The following UST variants were observed in gnomAD, a reference collection of about 807,000 sequenced individuals.
UST encodes uronyl 2-sulfotransferase.
A neutral mutation model predicts 45.6 loss-of-function variants in UST; 21 were observed. That is an observed-to-expected ratio of 0.46 (90% CI 0.33 to 0.66). UST has a LOEUF of 0.66. Among genes scored for constraint, UST ranks in the 30% least tolerant of loss-of-function variants. UST has a pLI of 0.02. For synonymous variants in UST, 215 were observed against 200.6 expected (o/e 1.07, Z -0.61); for missense variants, 463 against 512.4 (o/e 0.90, Z 0.93).
intron 1 of UST, among the ~76,000 whole-genome samples, chr6:148,877,856 G>T: frequency 7.1e-6 from 1 of 140,738 alleles, no homozygotes; most frequent in East Asian, 2.2e-4. Flanking sequence ...GTACGAGTGC[G>T]GGGATCATGT....
At chr6:148,887,417 C>T (rs1346065160) in intron 2 of UST, among the ~76,000 whole-genome samples, 2 of 152,266 alleles carry the variant, frequency 1.3e-5, no homozygotes, top group Admixed American at 6.5e-5. Context: ...GTCCTGTTCT[C>T]TCCAGCCTAA....
At chr6:148,860,650 A>G (rs1778294016) in intron 1 of UST, among the ~76,000 whole-genome samples, 1 of 152,120 alleles carries the variant, frequency 6.6e-6, no homozygotes, top group African/African-American at 2.4e-5. Flanking sequence ...AATAGCTCTT[A>G]TTATTTTCAG....
Position 148,813,233 on chromosome 6 carries a change from G to C in UST, c.247+65556G>C, listed in dbSNP as rs138862927. Among the ~76,000 whole-genome samples the C allele has an allele frequency of 7.2e-5, 11 of 152,202 alleles. No homozygotes were observed. In the East Asian group the frequency reaches 1.9e-3, roughly 27 times the overall value. ...AGTGCCCTCAGTTGGCTATGGTTTG[G>C]GATGGGAAATGAGAGAGGGAAACTG... On this transcript the variant is annotated intron_variant, in intron 1 of 7. Transcript: ENST00000367463.
rs552127447 is a variant in UST, at chr6:148,984,508, T to C, written c.681+19945T>C. On this transcript the variant is annotated intron_variant, in intron 5 of 7. Transcript: ENST00000367463. ...AAAAGTCCTAGACATCATGACATGA[T>C]AGGATTTGCATTTATTTATTTATTT... Among the ~76,000 whole-genome samples the C allele has an allele frequency of 3.3e-5, 5 of 152,342 alleles. No homozygotes were observed. In the East Asian group the frequency reaches 9.6e-4, roughly 29 times the overall value.
intron 2 of UST, among the ~76,000 whole-genome samples, chr6:148,889,465 G>A (rs974180478): frequency 1.1e-4 from 17 of 152,122 alleles, no homozygotes; most frequent in African/African-American, 3.6e-4. Flanking sequence ...GAATGGTGCC[G>A]AAGGTCCTGG....
At chr6:148,918,634 G>A (rs1156736179) in intron 2 of UST, among the ~76,000 whole-genome samples, 1 of 152,134 alleles carries the variant, frequency 6.6e-6, no homozygotes, top group Non-Finnish European at 1.5e-5. Flanking sequence ...GTGTGGTTGA[G>A]TCCATATTTC....
At chr6:148,949,061 C>T (rs1015403157) in intron 3 of UST, among the ~76,000 whole-genome samples, 3 of 151,974 alleles carry the variant, frequency 2.0e-5, no homozygotes, top group African/African-American at 4.8e-5. Context: ...CAGGCCAAGG[C>T]GGGTGGATCA....
intron 1 of UST, among the ~76,000 whole-genome samples, chr6:148,809,868 T>C (rs566172978): frequency 6.6e-6 from 1 of 152,214 alleles, no homozygotes; most frequent in South Asian, 2.1e-4. Context: ...TTAAATATTA[T>C]ATTGTTCAGC....
At chr6:148,984,588 G>T (rs1316632701) in intron 5 of UST, among the ~76,000 whole-genome samples, 3 of 152,288 alleles carry the variant, frequency 2.0e-5, no homozygotes, top group East Asian at 1.9e-4. Context: ...AGGCTGGAGT[G>T]CAGTGGCACA....
intron 3 of UST, among the ~76,000 whole-genome samples, chr6:148,943,989 AC>A (rs529254886): frequency 1.1e-4 from 16 of 152,364 alleles, no homozygotes; most frequent in African/African-American, 3.6e-4. Flanking sequence ...TTGAAGTTCA[AC>A]AACATTTAGA....
At chr6:148,871,771 A>G (rs1221768999) in intron 1 of UST, among the ~76,000 whole-genome samples, 2 of 152,186 alleles carry the variant, frequency 1.3e-5, no homozygotes, top group Non-Finnish European at 2.9e-5. Context: ...TTCATTACAT[A>G]AGAGAAACCC....
Position 148,941,365 on chromosome 6 carries a change from G to A in UST, c.378G>A (p.Ser126=), listed in dbSNP as rs772293025. ...TGGTCTTGCTTCTGAGAATCTTGTC[G>A]GAGAAGCACGGATTTAATTTGGTCA... ...RTVVLLLRIL[S]EKHGFNLVTS... The change falls in exon 3 of 8, where the codon TCG becomes TCA. Residue 126 remains serine (S), a synonymous_variant. Transcript: ENST00000367463. The A allele has an allele frequency of 9.9e-6, 16 of 1,612,464 alleles. No individual in the cohort carries two copies. The highest frequency in any genetic ancestry group is 1.6e-4 in the Middle Eastern group (1 of 6,080).
At chr6:149,023,380 C>G (rs969677690) in intron 7 of UST, among the ~76,000 whole-genome samples, 2 of 152,104 alleles carry the variant, frequency 1.3e-5, no homozygotes, top group Non-Finnish European at 2.9e-5. Context: ...GTGTGTGAGC[C>G]ATCTTGGGAG....
intron 2 of UST, among the ~76,000 whole-genome samples, chr6:148,906,957 T>C (rs4897070): frequency 0.8 from 121,827 of 152,160 alleles, 48,859 homozygotes; most frequent in South Asian, 0.84. Flanking sequence ...GTTTGAGTTA[T>C]GTAAGCCTTC....
At chr6:149,034,111 T>C (rs1562335339) in intron 7 of UST, among the ~76,000 whole-genome samples, 1 of 152,214 alleles carries the variant, frequency 6.6e-6, no homozygotes, top group Admixed American at 6.5e-5. Context: ...ACATTTGAGA[T>C]GCATGGTCCT....
At chr6:148,968,282 G>A (rs1029119139) in intron 5 of UST, among the ~76,000 whole-genome samples, 2 of 152,146 alleles carry the variant, frequency 1.3e-5, no homozygotes, top group Non-Finnish European at 2.9e-5. Flanking sequence ...TTATTTTCTG[G>A]GAACAACTAG....
At chr6:148,824,987 T>C (rs1051633478) in intron 1 of UST, among the ~76,000 whole-genome samples, 2 of 151,576 alleles carry the variant, frequency 1.3e-5, no homozygotes, top group African/African-American at 2.4e-5. Flanking sequence ...ATTTCATCCA[T>C]GTCCCTACAA....
chr6:148,851,293 A>G (rs1778100115), intron 1 of UST, among the ~76,000 whole-genome samples: 1 of 151,610 alleles, frequency 6.6e-6, no homozygotes, highest in African/African-American at 2.4e-5. Flanking sequence ...ACACATATAT[A>G]TACGTACACA....
intron 1 of UST, among the ~76,000 whole-genome samples, chr6:148,877,394 G>T (rs189964310): frequency 2.1e-5 from 1 of 48,720 alleles, no homozygotes; most frequent in Non-Finnish European, 3.6e-5. Flanking sequence ...GTATGAGTGC[G>T]GGGGTCGTGT....
Sources: gnomAD v4.1 joint callset for allele counts (sites outside exome capture counted in the v4.1 genomes callset) on GRCh38, gnomAD v4.1.1 for gene constraint, MANE v1.5 for transcripts, NCBI Gene and HGNC (gene_info 2026-07-23, HGNC 2026-07-21) for gene names.